The following CALN1 variants were observed in gnomAD, a reference collection of about 807,000 sequenced individuals.
CALN1 encodes calcium-binding protein 8.
In CALN1, 17 loss-of-function variants were observed where a neutral mutation model predicts 30.6. That is an observed-to-expected ratio of 0.56 (90% CI 0.38 to 0.83). The LOEUF is 0.83. CALN1 is among the 40% of genes least tolerant of loss of function. The probability of loss-of-function intolerance (pLI) is 0.00; values close to 1 mark genes in which losing one functional copy is unlikely to be tolerated. For missense variants in CALN1, 291 were observed against 354.9 expected (o/e 0.82, Z 1.45); for synonymous variants, 156 against 131.4 (o/e 1.19, Z -1.28).
At chr7:72,430,964 ATTT>A (rs781481392) in intron 1 of CALN1, among the ~76,000 whole-genome samples, 22 of 118,974 alleles carry the variant, frequency 1.8e-4, no homozygotes, top group African/African-American at 5.1e-4. Flanking sequence ...AAGCCAAGCT[ATTT>A]TTTTTTTTTT....
At chr7:72,191,105 G>C (rs1229974759) in intron 3 of CALN1, among the ~76,000 whole-genome samples, 5 of 152,216 alleles carry the variant, frequency 3.3e-5, no homozygotes, top group Non-Finnish European at 7.3e-5. Flanking sequence ...GTGAGAGACA[G>C]ATGCGCCAAC....
intron 5 of CALN1, among the ~76,000 whole-genome samples, chr7:71,961,061 T>C (rs760982897): frequency 5.3e-5 from 8 of 152,128 alleles, no homozygotes; most frequent in Non-Finnish European, 1.0e-4. Context: ...AGGTGATCTG[T>C]TTGCCTTGGC....
chr7:72,353,195 A>G (rs1378956749), intron 2 of CALN1, among the ~76,000 whole-genome samples: 1 of 152,202 alleles, frequency 6.6e-6, no homozygotes, highest in Non-Finnish European at 1.5e-5. Flanking sequence ...CCAATCTCAT[A>G]AAATGCTTTC....
chr7:72,147,830 C>T (rs1786878289), intron 3 of CALN1, among the ~76,000 whole-genome samples: 1 of 151,158 alleles, frequency 6.6e-6, no homozygotes, highest in Non-Finnish European at 1.5e-5. Flanking sequence ...CCATCATTCT[C>T]AGTAAACTAT....
chr7:72,462,990 C>T, the CALN1 span, among the ~76,000 whole-genome samples: 1 of 152,360 alleles, frequency 6.6e-6, no homozygotes, highest in East Asian at 1.9e-4. Flanking sequence ...TACTGTTCAG[C>T]ACCTGGTACA....
At chr7:71,867,214 A>G (rs1375999210) in intron 5 of CALN1, among the ~76,000 whole-genome samples, 1 of 152,166 alleles carries the variant, frequency 6.6e-6, no homozygotes, top group African/African-American at 2.4e-5. Context: ...GAATGGAAAT[A>G]AACATAAAAA....
intron 5 of CALN1, among the ~76,000 whole-genome samples, chr7:71,908,972 CT>C (rs1387818139): frequency 1.3e-5 from 2 of 152,214 alleles, no homozygotes; most frequent in African/African-American, 4.8e-5. Context: ...TGTTTCATGT[CT>C]GGAAATATAA....
chr7:72,414,145 C>G (rs759169129), upstream of CALN1, among the ~76,000 whole-genome samples: 1 of 152,004 alleles, frequency 6.6e-6, no homozygotes, highest in Non-Finnish European at 1.5e-5. Flanking sequence ...GGAGGCAGAC[C>G]GTGGGAAGAT....
Position 72,239,528 on chromosome 7 carries a change from T to A in CALN1, c.244+39158A>T, listed in dbSNP as rs571748418. On this transcript the variant is annotated intron_variant, in intron 3 of 6. Transcript: ENST00000395275. Reference sequence around the variant, plus strand: ...CTGCACATCTGACACAGCATAAATATCAACATATAATAAAAGTTTAGTATA... The same window carrying A: ...CTGCACATCTGACACAGCATAAATAACAACATATAATAAAAGTTTAGTATA... 2.0e-5 allele frequency among the ~76,000 whole-genome samples: 3 copies of A among 152,244 alleles called. No homozygotes were observed. In the South Asian group the frequency reaches 6.2e-4, roughly 32 times the overall value.
chr7:72,063,676 G>A (rs917283891), intron 4 of CALN1, among the ~76,000 whole-genome samples: 1 of 152,136 alleles, frequency 6.6e-6, no homozygotes, highest in African/African-American at 2.4e-5. Flanking sequence ...ACTTTATACA[G>A]GTTGAGTATC....
intron 3 of CALN1, among the ~76,000 whole-genome samples, chr7:72,168,906 A>G (rs1266724141): frequency 6.6e-6 from 1 of 151,170 alleles, no homozygotes; most frequent in Admixed American, 6.6e-5. Flanking sequence ...CCCAGGTTCA[A>G]GCGATTCTCC....
At chr7:72,329,775 G>A (rs577561359) in intron 2 of CALN1, among the ~76,000 whole-genome samples, 2 of 152,046 alleles carry the variant, frequency 1.3e-5, no homozygotes, top group African/African-American at 4.8e-5. Flanking sequence ...CCAACATGGT[G>A]AGACCCCGTC....
intron 3 of CALN1, among the ~76,000 whole-genome samples, chr7:72,212,042 G>A (rs1257119848): frequency 6.6e-6 from 1 of 152,006 alleles, no homozygotes; most frequent in Non-Finnish European, 1.5e-5. Context: ...TCAAATCCAT[G>A]TTTCCTTTGC....
intron 1 of CALN1, among the ~76,000 whole-genome samples, chr7:72,408,270 TAA>T (rs34402288): frequency 0.16 from 20,363 of 129,190 alleles, 1,591 homozygotes; most frequent in Non-Finnish European, 0.18. Flanking sequence ...CCATCTCTAT[TAA>T]AAAAAAAAAA....
intron 2 of CALN1, among the ~76,000 whole-genome samples, chr7:72,331,112 G>A (rs1585511674): frequency 6.6e-6 from 1 of 152,266 alleles, no homozygotes; most frequent in East Asian, 1.9e-4. Flanking sequence ...CACTTTGGGA[G>A]GCCAAGGCAG....
Position 72,337,324 on chromosome 7 carries a change from GCCCCCAC to G in CALN1, c.120-58521_120-58515del, listed in dbSNP as rs201683799. 5.2e-3 allele frequency: 5,060 copies of G among 979,480 alleles called. 15 individuals carry two copies. Among genetic ancestry groups the G allele is most frequent in the Non-Finnish European group, 5.9e-3 (4,824 of 824,570 alleles). The allele number at this position is 979,480 out of a possible 1,614,324, so 60.7% of individuals were successfully genotyped here. A position where few individuals can be genotyped will look rare whatever the true frequency, so the allele number is the denominator to read the frequency against. On this transcript the variant is annotated intron_variant, in intron 2 of 6. Coordinates refer to ENST00000395275, the MANE Select transcript of CALN1 (RefSeq NM_031468.4). Reference sequence around the variant, plus strand: ...CCCCAGCTCCTCCGAGGGTCGGGGAGCCCCCACCCCCCAACCTCCGCCTCTCCAATGG... The same window carrying G: ...CCCCAGCTCCTCCGAGGGTCGGGGAGCCCCCAACCTCCGCCTCTCCAATGG...
chr7:72,402,561 T>C (rs145972502), intron 2 of CALN1, among the ~76,000 whole-genome samples: 1 of 152,314 alleles, frequency 6.6e-6, no homozygotes, highest in Non-Finnish European at 1.5e-5. Flanking sequence ...AAAATTGTGT[T>C]CTATACCAAA....
chr7:72,329,699 A>C (rs988120938), intron 2 of CALN1, among the ~76,000 whole-genome samples: 4 of 152,204 alleles, frequency 2.6e-5, no homozygotes, highest in African/African-American at 7.2e-5. Flanking sequence ...CATGCCTGTA[A>C]TCCCAGCACT....
At chr7:72,089,636 G>A (rs922993957) in intron 4 of CALN1, among the ~76,000 whole-genome samples, 4 of 152,048 alleles carry the variant, frequency 2.6e-5, no homozygotes, top group African/African-American at 9.7e-5. Context: ...TGACCACTGC[G>A]CATAAAGATA....
Sources: allele counts gnomAD v4.1 joint callset (sites outside exome capture counted in the v4.1 genomes callset), GRCh38; gene constraint gnomAD v4.1.1; transcripts MANE v1.5; gene names NCBI Gene and HGNC (gene_info 2026-07-23, HGNC 2026-07-21).